GALNT13: variants seen among roughly 807,000 people sequenced by gnomAD.
GALNT13 encodes polypeptide N-acetylgalactosaminyltransferase 13.
GALNT13 carries 28 observed loss-of-function variants against 64.2 expected under a neutral mutation model. The observed-to-expected ratio is 0.44, with a 90% CI of 0.32 to 0.60. The LOEUF (loss-of-function observed/expected upper bound fraction) is 0.60. Ranked by LOEUF, GALNT13 falls within the 20% of genes least tolerant of loss-of-function variation. The pLI is 0.05. For synonymous variants in GALNT13, 214 were observed against 224.6 expected (o/e 0.95, Z 0.42); for missense variants, 577 against 669.8 (o/e 0.86, Z 1.53).
the GALNT13 span, among the ~76,000 whole-genome samples, chr2:153,448,580 A>G: frequency 6.6e-6 from 1 of 152,192 alleles, no homozygotes; most frequent in Non-Finnish European, 1.5e-5. Context: ...TAAGAAACAC[A>G]TATTTCACCA....
chr2:154,206,114 C>A (rs1687434292), intron 4 of GALNT13, among the ~76,000 whole-genome samples: 2 of 152,048 alleles, frequency 1.3e-5, no homozygotes, highest in African/African-American at 2.4e-5. Flanking sequence ...TCTCCCGCCT[C>A]AGCCTCCTAA....
the GALNT13 span, among the ~76,000 whole-genome samples, chr2:153,202,136 C>T: frequency 6.6e-6 from 1 of 151,852 alleles, no homozygotes; most frequent in Non-Finnish European, 1.5e-5. Flanking sequence ...AGGCGCCCGC[C>T]ACCGCGCCCG....
At chr2:153,537,738 A>G in the GALNT13 span, among the ~76,000 whole-genome samples, 3 of 152,096 alleles carry the variant, frequency 2.0e-5, no homozygotes, top group South Asian at 6.2e-4. Context: ...TGATGGTTTT[A>G]TAAGGCGATT....
At chr2:153,080,990 C>T in the GALNT13 span, among the ~76,000 whole-genome samples, 1 of 151,806 alleles carries the variant, frequency 6.6e-6, no homozygotes, top group Non-Finnish European at 1.5e-5. Context: ...CTTAAATTTT[C>T]CTGAATCTCT....
intron 3 of GALNT13, among the ~76,000 whole-genome samples, chr2:154,085,017 A>G (rs1701457308): frequency 6.6e-6 from 1 of 151,930 alleles, no homozygotes. Flanking sequence ...ACTTAATTAT[A>G]GAAGTTTTTC....
chr2:153,456,008 C>G, the GALNT13 span, among the ~76,000 whole-genome samples: 2 of 152,132 alleles, frequency 1.3e-5, no homozygotes, highest in African/African-American at 4.8e-5. Flanking sequence ...AAATTCTTCT[C>G]CGGTTACATC....
the GALNT13 span, among the ~76,000 whole-genome samples, chr2:153,262,163 G>A: frequency 6.6e-6 from 1 of 152,078 alleles, no homozygotes; most frequent in South Asian, 2.1e-4. Context: ...AGTTGATAAT[G>A]TGCTGGATCA....
chr2:153,790,086 G>A, the GALNT13 span, among the ~76,000 whole-genome samples: 1 of 152,066 alleles, frequency 6.6e-6, no homozygotes, highest in Non-Finnish European at 1.5e-5. Context: ...CATTCTGTGA[G>A]GCCAGCATCA....
At chr2:153,683,208 G>A in the GALNT13 span, among the ~76,000 whole-genome samples, 2 of 151,646 alleles carry the variant, frequency 1.3e-5, no homozygotes, top group Non-Finnish European at 3.0e-5. Context: ...ACAGTTATGT[G>A]AAATTTGAAC....
chr2:154,206,783 C>CA (rs1248175276), intron 4 of GALNT13, among the ~76,000 whole-genome samples: 4 of 138,244 alleles, frequency 2.9e-5, no homozygotes, highest in Non-Finnish European at 4.7e-5. Context: ...GACTCTGTCT[C>CA]AAAAAACAAC....
At chr2:153,671,373 C>A in the GALNT13 span, among the ~76,000 whole-genome samples, 1 of 152,128 alleles carries the variant, frequency 6.6e-6, no homozygotes, top group Admixed American at 6.5e-5. Context: ...CCTTACAAGC[C>A]AGAAAAGAGT....
chr2:154,130,336 A>G (rs539288795), intron 3 of GALNT13, among the ~76,000 whole-genome samples: 1 of 152,264 alleles, frequency 6.6e-6, no homozygotes, highest in East Asian at 1.9e-4. Context: ...CAGCAACCCG[A>G]AGCAGAGAGC....
the GALNT13 span, among the ~76,000 whole-genome samples, chr2:153,622,798 A>G: frequency 6.6e-6 from 1 of 152,060 alleles, no homozygotes; most frequent in African/African-American, 2.4e-5. Context: ...ACTGGTAACT[A>G]TGTTTTGCTT....
chr2:153,069,867 TGG>T, the GALNT13 span, among the ~76,000 whole-genome samples: 1 of 152,220 alleles, frequency 6.6e-6, no homozygotes, highest in African/African-American at 2.4e-5. Flanking sequence ...GATCATAACC[TGG>T]GGTGAGAGAT....
At chr2:154,114,843 T>C (rs554484020) in intron 3 of GALNT13, among the ~76,000 whole-genome samples, 5 of 152,352 alleles carry the variant, frequency 3.3e-5, no homozygotes, top group Admixed American at 6.5e-5. Context: ...GTATTTTTAA[T>C]GCTGCTTTGC....
chr2:153,150,214 T>C, the GALNT13 span, among the ~76,000 whole-genome samples: 1 of 152,060 alleles, frequency 6.6e-6, no homozygotes, highest in Non-Finnish European at 1.5e-5. Context: ...ATAGGCTTAA[T>C]GGAAGAAGAA....
At chr2:153,438,587 C>T in the GALNT13 span, among the ~76,000 whole-genome samples, 6 of 152,156 alleles carry the variant, frequency 3.9e-5, no homozygotes, top group Admixed American at 6.5e-5. Context: ...CTTCTTCCAT[C>T]GCTGATATAC....
chr2:154,062,619 G>C (rs1653568543), intron 3 of GALNT13, among the ~76,000 whole-genome samples: 1 of 152,112 alleles, frequency 6.6e-6, no homozygotes, highest in African/African-American at 2.4e-5. Flanking sequence ...GAAACAGCCA[G>C]ATCTCATGAG....
chr2:153,457,028 G>A, the GALNT13 span, among the ~76,000 whole-genome samples: 1 of 152,200 alleles, frequency 6.6e-6, no homozygotes, highest in Non-Finnish European at 1.5e-5. Flanking sequence ...CAGAATGGCT[G>A]TTTCTATATG....
Sources: allele counts gnomAD v4.1 joint callset (sites outside exome capture counted in the v4.1 genomes callset), GRCh38; gene constraint gnomAD v4.1.1; transcripts MANE v1.5; gene names NCBI Gene and HGNC (gene_info 2026-07-23, HGNC 2026-07-21).